GRIK2: variants seen among roughly 807,000 people sequenced by gnomAD.
GRIK2 encodes the protein glutamate receptor ionotropic, kainate 2.
Under a neutral mutation model 100.3 loss-of-function variants are expected in GRIK2, and 32 were observed. The ratio of observed to expected loss-of-function variants is 0.32; its 90% confidence interval spans 0.24 to 0.43. The LOEUF is 0.43. Among genes scored for constraint, GRIK2 ranks in the 20% least tolerant of loss-of-function variants. The pLI, the probability that GRIK2 is intolerant of heterozygous loss-of-function variation, is 1.00. For missense variants in GRIK2, 843 were observed against 1,114.9 expected (o/e 0.76, Z 3.47); for synonymous variants, 417 against 389.4 (o/e 1.07, Z -0.83).
rs71691444 is a variant in GRIK2 at position 101,536,013 on chromosome 6, CAGAT to C, written c.116-85933_116-85930del. ...TTAATTCTTCCTACTTTTATGGTAGCAGATAGGAAATCTTGAGGGACAAACAATA... is the reference window on the plus strand; with the variant it reads ...TTAATTCTTCCTACTTTTATGGTAGCAGGAAATCTTGAGGGACAAACAATA... On this transcript the variant is annotated intron_variant, in intron 2 of 16. Coordinates refer to ENST00000369134, the MANE Select transcript of GRIK2 (RefSeq NM_021956.5). 2.9e-3 allele frequency among the ~76,000 whole-genome samples: 434 copies of C among 151,766 alleles called. 3 individuals carry two copies. Among genetic ancestry groups the C allele is most frequent in the African/African-American group, 0.01 (426 of 41,496 alleles).
intron 7 of GRIK2, among the ~76,000 whole-genome samples, chr6:101,773,729 ATTC>A (rs1268554608): frequency 6.6e-6 from 1 of 152,292 alleles, no homozygotes; most frequent in African/African-American, 2.4e-5. Context: ...ATCTAACTTT[ATTC>A]TTACAACAAC....
intron 2 of GRIK2, among the ~76,000 whole-genome samples, chr6:101,432,216 A>G (rs1179735131): frequency 6.6e-6 from 1 of 151,888 alleles, no homozygotes; most frequent in Non-Finnish European, 1.5e-5. Context: ...CATATTTTAT[A>G]TTTTATATAT....
chr6:101,776,441 T>G (rs1778752687), intron 7 of GRIK2, among the ~76,000 whole-genome samples: 1 of 152,180 alleles, frequency 6.6e-6, no homozygotes, highest in African/African-American at 2.4e-5. Flanking sequence ...TATGGTTATA[T>G]TACAAAACCG....
At chr6:101,766,045 C>T (rs1190489909) in intron 7 of GRIK2, among the ~76,000 whole-genome samples, 4 of 151,970 alleles carry the variant, frequency 2.6e-5, no homozygotes, top group Non-Finnish European at 1.5e-5. Flanking sequence ...CTTTGTTTTG[C>T]AAGATGCATT....
intron 14 of GRIK2, among the ~76,000 whole-genome samples, chr6:102,033,104 G>A (rs889890884): frequency 3.3e-5 from 5 of 150,742 alleles, no homozygotes; most frequent in African/African-American, 7.3e-5. Context: ...TATAAAAGGG[G>A]TACAAAAATA....
intron 12 of GRIK2, among the ~76,000 whole-genome samples, chr6:101,899,177 A>G (rs1787680348): frequency 6.6e-6 from 1 of 151,190 alleles, no homozygotes; most frequent in African/African-American, 2.4e-5. Context: ...TTGGATAGAA[A>G]TATCTTGGTT....
chr6:101,452,669 A>G (rs908304745), intron 2 of GRIK2, among the ~76,000 whole-genome samples: 1 of 151,848 alleles, frequency 6.6e-6, no homozygotes, highest in African/African-American at 2.4e-5. Context: ...GCCTTCAAGC[A>G]AAAACTAAAT....
chr6:101,807,909 G>A (rs545067897), intron 9 of GRIK2, among the ~76,000 whole-genome samples: 2 of 151,928 alleles, frequency 1.3e-5, no homozygotes, highest in Non-Finnish European at 2.9e-5. Context: ...GTAATTTGGA[G>A]GGAGAAGAAT....
intron 7 of GRIK2, among the ~76,000 whole-genome samples, chr6:101,782,688 G>A (rs1179829368): frequency 1.3e-5 from 2 of 152,026 alleles, no homozygotes; most frequent in Non-Finnish European, 2.9e-5. Context: ...GTATCCCTTT[G>A]ATATACTGAT....
chr6:102,001,172 ATTC>A (rs1200190048), intron 14 of GRIK2, among the ~76,000 whole-genome samples: 86 of 147,998 alleles, frequency 5.8e-4, no homozygotes, highest in Non-Finnish European at 6.8e-4. Context: ...TGTTCCAGGC[ATTC>A]TTCTTCTTTA....
At chr6:101,921,111 A>G (rs923652617) in intron 12 of GRIK2, among the ~76,000 whole-genome samples, 1 of 152,060 alleles carries the variant, frequency 6.6e-6, no homozygotes, top group Non-Finnish European at 1.5e-5. Context: ...TAATTTGACA[A>G]CTGCTGGAGT....
intron 5 of GRIK2, among the ~76,000 whole-genome samples, chr6:101,677,358 C>T (rs910749639): frequency 6.6e-6 from 1 of 152,154 alleles, no homozygotes; most frequent in East Asian, 1.9e-4. Context: ...TGATATCCAA[C>T]CTAATGATGT....
chr6:102,010,039 C>A (rs1795443677), intron 14 of GRIK2, among the ~76,000 whole-genome samples: 4 of 151,858 alleles, frequency 2.6e-5, no homozygotes, highest in Admixed American at 2.6e-4. Flanking sequence ...TATTTTAGAG[C>A]ATTTTAAAGT....
intron 14 of GRIK2, among the ~76,000 whole-genome samples, chr6:102,016,034 A>G (rs1038096190): frequency 3.3e-5 from 5 of 152,178 alleles, no homozygotes; most frequent in African/African-American, 1.2e-4. Context: ...CTGAAGGAAC[A>G]TCAGCCCACA....
intron 9 of GRIK2, among the ~76,000 whole-genome samples, chr6:101,811,642 A>G (rs188152584): frequency 1.3e-5 from 2 of 152,126 alleles, no homozygotes; most frequent in African/African-American, 4.8e-5. Context: ...TAAATTTCAT[A>G]GAAAATAAGA....
chr6:101,702,696 G>T (rs144704747), intron 7 of GRIK2, among the ~76,000 whole-genome samples: 340 of 152,052 alleles, frequency 2.2e-3, no homozygotes, highest in Non-Finnish European at 2.7e-3. Context: ...AGGATAAGAA[G>T]ATGGAGAGTG....
chr6:101,393,730 T>C lies in GRIK2; in HGVS notation c.-401T>C, dbSNP rs1433572324. 2.0e-5 allele frequency among the ~76,000 whole-genome samples: 3 copies of C among 152,056 alleles called. No homozygotes were observed. The highest frequency in any genetic ancestry group is 4.4e-5 in the Non-Finnish European group (3 of 67,996). On this transcript the variant is annotated 5_prime_UTR_variant, in exon 1 of 17. Coordinates refer to ENST00000369134, the MANE Select transcript of GRIK2 (RefSeq NM_021956.5). The stretch of plus-strand genomic sequence containing the variant: ...GTCACTCGCGCTCGGCGCCGGCGGC[T>C]GCGCTGGTCGGTCTGGTAGCTGGGG...
At chr6:101,745,443 G>T (rs1776365934) in intron 7 of GRIK2, among the ~76,000 whole-genome samples, 1 of 151,962 alleles carries the variant, frequency 6.6e-6, no homozygotes, top group Non-Finnish European at 1.5e-5. Context: ...GTCATGTATT[G>T]CTTAAAAAGC....
intron 14 of GRIK2, among the ~76,000 whole-genome samples, chr6:102,011,484 C>T (rs946655446): frequency 2.0e-5 from 3 of 149,708 alleles, no homozygotes; most frequent in African/African-American, 7.4e-5. Context: ...GTCATGTCTT[C>T]TCATTCTCTT....
Sources: gnomAD v4.1 joint callset for allele counts (sites outside exome capture counted in the v4.1 genomes callset) on GRCh38, gnomAD v4.1.1 for gene constraint, MANE v1.5 for transcripts, NCBI Gene and HGNC (gene_info 2026-07-23, HGNC 2026-07-21) for gene names.